The following RIT2 variants were observed in gnomAD, a reference collection of about 807,000 sequenced individuals.
The protein encoded by RIT2 is GTP-binding protein Rit2.
In RIT2, 24 loss-of-function variants were observed where a neutral mutation model predicts 23.7. The ratio of observed to expected loss-of-function variants is 1.01; its 90% CI spans 0.73 to 1.43. The LOEUF is 1.43. Ranked by LOEUF, RIT2 falls within the 40% of genes most tolerant of loss-of-function variation. The pLI is 0.00. For synonymous variants in RIT2, 107 were observed against 91.1 expected, an observed-to-expected ratio of 1.17 and a Z score of -0.99; for missense variants, 236 against 266.9, an observed-to-expected ratio of 0.88 and a Z score of 0.81.
intron 4 of RIT2, among the ~76,000 whole-genome samples, chr18:42,862,465 C>T (rs1310928686): frequency 6.6e-6 from 1 of 152,184 alleles, no homozygotes; most frequent in Non-Finnish European, 1.5e-5. Context: ...ATATCACACA[C>T]ATCTGTAATA....
chr18:42,749,700 C>G (rs1417310250), intron 4 of RIT2, among the ~76,000 whole-genome samples: 2 of 151,686 alleles, frequency 1.3e-5, no homozygotes, highest in Non-Finnish European at 3.0e-5. Flanking sequence ...CCCAATATAT[C>G]AGAAATATTA....
At chr18:42,852,232 A>G (rs764210556) in intron 4 of RIT2, among the ~76,000 whole-genome samples, 1 of 152,246 alleles carries the variant, frequency 6.6e-6, no homozygotes, top group African/African-American at 2.4e-5. Flanking sequence ...TTAGTTTAAT[A>G]CATTTAGATG....
At chr18:42,745,097 A>AAATT (rs1912887426) in intron 4 of RIT2, among the ~76,000 whole-genome samples, 1 of 152,302 alleles carries the variant, frequency 6.6e-6, no homozygotes, top group African/African-American at 2.4e-5. Flanking sequence ...ATATAAAGAT[A>AAATT]AATTATATAC....
chr18:42,940,236 CTATATATATATATATATA>C (rs5824460), intron 3 of RIT2, among the ~76,000 whole-genome samples: 3 of 86,992 alleles, frequency 3.4e-5, no homozygotes, highest in Admixed American at 1.4e-4. Context: ...GAAAGGCTCA[CTATATATATATATATATA>C]TATATATATA....
In RIT2 at chr18:42,923,719, T is replaced by C; in HGVS notation, c.279A>G (p.Glu93=). ...TGACGGAGTAGCAGATGATGAAGCC[T>C]TCCCCACCTCGCATGTACTGCTCCC... ...AMREQYMRGG[E]GFIICYSVTD... The change falls in exon 4 of 5, where the codon GAA becomes GAG. Residue 93 remains glutamate, a synonymous_variant. Transcript: ENST00000326695. 4 of 1,612,804 alleles carry C rather than the reference T, an allele frequency of 2.5e-6. No homozygotes were observed. The highest frequency in any genetic ancestry group is 3.4e-6 in the Non-Finnish European group (4 of 1,179,596).
intron 4 of RIT2, among the ~76,000 whole-genome samples, chr18:42,833,498 G>C (rs569954789): frequency 3.3e-5 from 5 of 152,244 alleles, no homozygotes; most frequent in Non-Finnish European, 5.9e-5. Flanking sequence ...TTTTGAAAGA[G>C]AGGATAAACT....
chr18:42,995,811 G>T (rs1019959243), intron 2 of RIT2, among the ~76,000 whole-genome samples: 6 of 152,056 alleles, frequency 3.9e-5, no homozygotes, highest in Non-Finnish European at 8.8e-5. Flanking sequence ...GACCAACTTG[G>T]ACTGTGTCCC....
intron 4 of RIT2, among the ~76,000 whole-genome samples, chr18:42,888,944 C>T (rs1464028091): frequency 2.0e-5 from 3 of 151,984 alleles, no homozygotes; most frequent in African/African-American, 7.2e-5. Context: ...AGAAAACTAC[C>T]TACTGGGTAC....
intron 3 of RIT2, among the ~76,000 whole-genome samples, chr18:42,943,123 G>A (rs888606940): frequency 3.9e-5 from 6 of 152,106 alleles, no homozygotes; most frequent in Non-Finnish European, 5.9e-5. Flanking sequence ...GGTTGCCACT[G>A]CTGGCTGGTG....
chr18:42,841,409 A>C (rs934528440), intron 4 of RIT2, among the ~76,000 whole-genome samples: 4 of 152,154 alleles, frequency 2.6e-5, no homozygotes, highest in African/African-American at 9.7e-5. Flanking sequence ...CTGCTTTCTA[A>C]TTTTCCTTCT....
chr18:42,783,946 C>T (rs1015434376), intron 4 of RIT2, among the ~76,000 whole-genome samples: 5 of 151,986 alleles, frequency 3.3e-5, no homozygotes, highest in African/African-American at 1.2e-4. Flanking sequence ...CTGAAACCTT[C>T]AATTAATCAC....
intron 4 of RIT2, among the ~76,000 whole-genome samples, chr18:42,820,609 C>T (rs905774014): frequency 1.1e-4 from 17 of 152,096 alleles, no homozygotes; most frequent in African/African-American, 4.1e-4. Flanking sequence ...TTTGCCTTCG[C>T]CCTTGTACTG....
intron 1 of RIT2, among the ~76,000 whole-genome samples, chr18:43,040,610 A>G (rs1912105149): frequency 6.6e-6 from 1 of 152,186 alleles, no homozygotes; most frequent in African/African-American, 2.4e-5. Context: ...AAAAAGTGCC[A>G]TAAATATTGT....
intron 4 of RIT2, among the ~76,000 whole-genome samples, chr18:42,802,159 C>T (rs1905556597): frequency 6.6e-6 from 1 of 152,102 alleles, no homozygotes; most frequent in Non-Finnish European, 1.5e-5. Flanking sequence ...AAATTAAAAG[C>T]ATGAATTTTA....
rs533150026 is a variant in RIT2 at position 42,743,232 on chromosome 18, C to T, written c.*261G>A. 4 of 430,056 alleles carry T rather than the reference C, an allele frequency of 9.3e-6. No homozygotes were observed. Among genetic ancestry groups the T allele is most frequent in the Non-Finnish European group, 1.7e-5 (4 of 239,350 alleles). 26.6% of individuals were successfully genotyped at this position (430,056 alleles called of 1,614,324 possible). ...CTAGACTCTTTAAAGGGAAATGAGGCAATTGGAATGTCAATTTTATTTAGT... is the reference window on the plus strand; with the variant it reads ...CTAGACTCTTTAAAGGGAAATGAGGTAATTGGAATGTCAATTTTATTTAGT... On this transcript the variant is annotated 3_prime_UTR_variant, in exon 5 of 5. Transcript: ENST00000326695.
At chr18:42,987,958 C>T (rs576976378) in intron 2 of RIT2, among the ~76,000 whole-genome samples, 14 of 152,256 alleles carry the variant, frequency 9.2e-5, no homozygotes, top group African/African-American at 3.1e-4. Context: ...GGGATCCACC[C>T]GCATGACCCA....
intron 4 of RIT2, chr18:42,920,814 A>G (rs902582342): frequency 1.8e-6 from 2 of 1,119,134 alleles, no homozygotes; most frequent in African/African-American, 1.5e-5. Flanking sequence ...GCCTCTCACC[A>G]CTAAACAATA....
intron 1 of RIT2, among the ~76,000 whole-genome samples, chr18:43,048,308 G>T (rs776393016): frequency 6.6e-6 from 1 of 152,046 alleles, no homozygotes; most frequent in Non-Finnish European, 1.5e-5. Context: ...ATTGGTGACT[G>T]GTTCTCTGCT....
rs775947405 is a variant in RIT2 at position 43,115,403 on chromosome 18, G to C, written c.103+14C>G. ...GAGGTCCCTCCTTCCCCAGCATTTG[G>C]TGTGAAAACTTACCGCTTTTACCAA... On this transcript the variant is annotated intron_variant, in intron 1 of 4. Transcript: ENST00000326695. 2 of 1,612,638 alleles carry C rather than the reference G, an allele frequency of 1.2e-6. No homozygotes were observed. The highest frequency in any genetic ancestry group is 1.7e-6 in the Non-Finnish European group (2 of 1,179,444).
Sources: gnomAD v4.1 joint callset for allele counts (sites outside exome capture counted in the v4.1 genomes callset) on GRCh38, gnomAD v4.1.1 for gene constraint, MANE v1.5 for transcripts, NCBI Gene and HGNC (gene_info 2026-07-23, HGNC 2026-07-21) for gene names.